Variants in CFTR observed in about 807,000 individuals in gnomAD.
CFTR encodes the protein CF transmembrane conductance regulator.
A neutral mutation model predicts 171.6 loss-of-function variants in CFTR; 181 were observed. That is an observed-to-expected ratio of 1.05 (90% CI 0.93 to 1.19). The LOEUF is 1.19. Among genes scored for constraint, CFTR ranks in the 50% most tolerant of loss-of-function variants. The pLI, the probability that CFTR is intolerant of heterozygous loss-of-function variation, is 0.00. For missense variants in CFTR, 1,968 were observed against 1,734.7 expected, an observed-to-expected ratio of 1.13 and a Z score of -2.39; for synonymous variants, 583 against 608.0, an observed-to-expected ratio of 0.96 and a Z score of 0.60.
chr7:117,568,073 T>C (rs192807357), intron 11 of CFTR, among the ~76,000 whole-genome samples: 24 of 152,286 alleles, frequency 1.6e-4, no homozygotes, highest in African/African-American at 5.3e-4. Flanking sequence ...ATTGGGGAAC[T>C]ATAGTCACTT....
intron 1 of CFTR, among the ~76,000 whole-genome samples, chr7:117,497,652 G>C (rs1040806353): frequency 2.0e-5 from 3 of 152,006 alleles, no homozygotes; most frequent in African/African-American, 7.2e-5. Flanking sequence ...AGGTGACTGG[G>C]GATTCGTATT....
At position 117,512,880 on chromosome 7, in the gene CFTR, T is replaced by C. The variant is rs552642774; in HGVS notation, c.273+3738T>C. On this transcript the variant is annotated intron_variant, in intron 3 of 26. Transcript: ENST00000003084. Reference sequence around the variant, plus strand: ...ATTTCCACCAACAAATTGAGGCATATGTCAGTGCAGCCTAGGTCAGACTAC... The same window carrying C: ...ATTTCCACCAACAAATTGAGGCATACGTCAGTGCAGCCTAGGTCAGACTAC... 4.8e-4 allele frequency among the ~76,000 whole-genome samples: 73 copies of C among 152,170 alleles called. 1 individual carries two copies. Among genetic ancestry groups the C allele is most frequent in the Non-Finnish European group, 1.5e-4 (10 of 68,028 alleles).
intron 10 of CFTR, among the ~76,000 whole-genome samples, chr7:117,555,672 A>G (rs955471510): frequency 6.6e-6 from 1 of 152,220 alleles, no homozygotes; most frequent in African/African-American, 2.4e-5. Flanking sequence ...TATTTACCAT[A>G]TATTGAGGTC....
intron 3 of CFTR, among the ~76,000 whole-genome samples, chr7:117,526,517 CAGA>C (rs1478596537): frequency 1.1e-4 from 1 of 9,170 alleles, no homozygotes; most frequent in African/African-American, 5.3e-4. Flanking sequence ...AAAATCAGAG[CAGA>C]ACTGAAGGAA....
At chr7:117,570,966 A>G (rs1168596658) in intron 11 of CFTR, among the ~76,000 whole-genome samples, 1 of 152,156 alleles carries the variant, frequency 6.6e-6, no homozygotes, top group Non-Finnish European at 1.5e-5. Context: ...TGGGAAAACC[A>G]CCTATTCTAA....
At chr7:117,607,921 C>T (rs561102031) in intron 18 of CFTR, among the ~76,000 whole-genome samples, 2 of 152,152 alleles carry the variant, frequency 1.3e-5, no homozygotes, top group Non-Finnish European at 2.9e-5. Flanking sequence ...TTCAAAGAAA[C>T]ATGTCCTGAG....
chr7:117,579,183 T>C (rs1383458708), intron 11 of CFTR, among the ~76,000 whole-genome samples: 1 of 151,868 alleles, frequency 6.6e-6, no homozygotes, highest in African/African-American at 2.4e-5. Context: ...ATGGAGAAAA[T>C]TCAATTGAAT....
chr7:117,535,197 A>G, intron 5 of CFTR, 51 bp from the exon 6 acceptor site: 1 of 1,584,848 alleles, frequency 6.3e-7, no homozygotes, highest in Non-Finnish European at 8.7e-7. Flanking sequence ...GTTAGTTTCT[A>G]GGGGTGGAAG....
chr7:117,577,208 T>G (rs1791785329), intron 11 of CFTR, among the ~76,000 whole-genome samples: 1 of 152,126 alleles, frequency 6.6e-6, no homozygotes, highest in South Asian at 2.1e-4. Flanking sequence ...ACTATAAAAC[T>G]TCAATGTGGC....
chr7:117,481,196 G>T (rs890660860), intron 1 of CFTR, among the ~76,000 whole-genome samples: 1 of 152,186 alleles, frequency 6.6e-6, no homozygotes, highest in African/African-American at 2.4e-5. Context: ...GAGACTGTTG[G>T]CCCTTGAAGG....
At position 117,548,733 on chromosome 7, in the gene CFTR, A is replaced by G; in HGVS notation, c.1302A>G (p.Ser434=). 1 of 1,613,132 alleles carries G rather than the reference A, an allele frequency of 6.2e-7. No homozygotes were observed. The change falls in exon 10 of 27, where the codon TCA becomes TCG. Residue 434 remains serine, a synonymous_variant. Coordinates refer to ENST00000003084, the MANE Select transcript of CFTR (RefSeq NM_000492.4). Reference sequence around the variant, plus strand: ...ACAGCCTCTTCTTCAGTAATTTCTCACTTCTTGGTACTCCTGTCCTGAAAG... The same window carrying G: ...ACAGCCTCTTCTTCAGTAATTTCTCGCTTCTTGGTACTCCTGTCCTGAAAG... ...GDDSLFFSNF[S]LLGTPVLKDI... is the part of the protein sequence containing the mutation.
intron 1 of CFTR, among the ~76,000 whole-genome samples, chr7:117,503,432 T>C (rs1798363476): frequency 6.6e-6 from 1 of 152,210 alleles, no homozygotes; most frequent in Non-Finnish European, 1.5e-5. Context: ...ATGATTGATT[T>C]CACAATCCTT....
At chr7:117,575,861 C>A (rs1222382804) in intron 11 of CFTR, among the ~76,000 whole-genome samples, 1 of 152,098 alleles carries the variant, frequency 6.6e-6, no homozygotes, top group Non-Finnish European at 1.5e-5. Context: ...TAACACAGTT[C>A]TATACATTGC....
rs936512397 is a variant in CFTR at position 117,611,729 on chromosome 7, G to T, written c.3288G>T (p.Leu1096=). Residue 1096 remains leucine, a synonymous_variant, in exon 20 of 27, where the codon CTG becomes CTT. Coordinates refer to ENST00000003084, the MANE Select transcript of CFTR (RefSeq NM_000492.4). ...ACTGGTTCTTGTACCTGTCAACACT[G>T]CGCTGGTTCCAAATGAGAATAGAAA... ...TANWFLYLST[L]RWFQMRIEMI... is the part of the protein sequence containing the mutation. The T allele has an allele frequency of 6.2e-6, 10 of 1,613,522 alleles. No individual in the cohort carries two copies. The highest frequency in any genetic ancestry group is 8.5e-6 in the Non-Finnish European group (10 of 1,179,756).
chr7:117,575,481 A>G (rs1203021644), intron 11 of CFTR, among the ~76,000 whole-genome samples: 1 of 152,118 alleles, frequency 6.6e-6, no homozygotes, highest in Non-Finnish European at 1.5e-5. Flanking sequence ...AGGGAATGTG[A>G]TTGAATGAGA....
At position 117,668,113 on chromosome 7, in the gene CFTR, G is replaced by A. The variant is rs1450237690; in HGVS notation, c.*1005G>A. 1 of 152,124 alleles carries A rather than the reference G, an allele frequency of 6.6e-6. No individual in the cohort carries two copies. Among genetic ancestry groups the A allele is most frequent in the African/African-American group, 2.4e-5 (1 of 41,412 alleles). 9.4% of individuals were successfully genotyped at this position (152,124 alleles called of 1,614,324 possible). On this transcript the variant is annotated 3_prime_UTR_variant, in exon 27 of 27. Coordinates refer to ENST00000003084, the MANE Select transcript of CFTR (RefSeq NM_000492.4). ...TGGTATGTTTTCAGGCTAGATGTAT[G>A]TACTTCATGCTGTCTACACTAAGAG...
At chr7:117,599,738 A>G (rs1422244638) in intron 15 of CFTR, among the ~76,000 whole-genome samples, 2 of 152,126 alleles carry the variant, frequency 1.3e-5, no homozygotes, top group East Asian at 3.8e-4. Flanking sequence ...CAACTAAACA[A>G]TTCATTCACC....
chr7:117,544,965 T>C (rs1226342019), intron 9 of CFTR, among the ~76,000 whole-genome samples: 1 of 152,224 alleles, frequency 6.6e-6, no homozygotes, highest in Non-Finnish European at 1.5e-5. Flanking sequence ...GCCACTTAAG[T>C]GATGATGGGC....
Position 117,592,121 on chromosome 7 carries a change from C to G in CFTR, c.1954C>G (p.Gln652Glu), listed in dbSNP as rs546234059. 6.2e-7 allele frequency: 1 copy of G among 1,613,858 alleles called. No individual in the cohort carries two copies. Among genetic ancestry groups the G allele is most frequent in the South Asian group, 1.1e-5 (1 of 91,062 alleles). ...ACTCATGGGATGTGATTCTTTCGAC[C>G]AATTTAGTGCAGAAAGAAGAAATTC... ...SKLMGCDSFDQFSAERRNSIL... is the reference protein window; with the variant it reads ...SKLMGCDSFDEFSAERRNSIL... Residue 652 changes from glutamine (Q) to glutamate (E), a missense_variant, in exon 14 of 27, where the codon CAA (glutamine) becomes GAA (glutamate). Coordinates refer to ENST00000003084, the MANE Select transcript of CFTR (RefSeq NM_000492.4).
Sources: allele counts gnomAD v4.1 joint callset (sites outside exome capture counted in the v4.1 genomes callset), GRCh38; gene constraint gnomAD v4.1.1; transcripts MANE v1.5; gene names NCBI Gene and HGNC (gene_info 2026-07-23, HGNC 2026-07-21).